The following AUH variants were observed in gnomAD, a reference collection of about 807,000 sequenced individuals.
AUH encodes AU RNA binding methylglutaconyl-CoA hydratase.
AUH carries 29 observed loss-of-function variants against 42.3 expected under a neutral mutation model. The ratio of observed to expected loss-of-function variants is 0.69; its 90% CI spans 0.51 to 0.93. The LOEUF is 0.93. Ranked by LOEUF, AUH falls within the 40% of genes least tolerant of loss-of-function variation. The pLI is 0.00. For synonymous variants in AUH, 174 were observed against 166.4 expected (o/e 1.05, Z -0.35); for missense variants, 452 against 438.1 (o/e 1.03, Z -0.28).
At chr9:91,334,005 T>C (rs1035276947) in intron 3 of AUH, among the ~76,000 whole-genome samples, 7 of 152,208 alleles carry the variant, frequency 4.6e-5, no homozygotes, top group African/African-American at 1.4e-4. Flanking sequence ...AAGAGTTTTA[T>C]GACAGGGTAC....
Position 91,355,813 on chromosome 9 carries a change from T to C in AUH, c.418+70A>G. The C allele has an allele frequency of 7.9e-6, 11 of 1,392,002 alleles. No individual in the cohort carries two copies. The South Asian group carries it at 9.4e-5, about 12-fold the overall frequency. 86.2% of individuals were successfully genotyped at this position (1,392,002 alleles called of 1,614,324 possible). A position where few individuals can be genotyped will look rare whatever the true frequency, so the allele number is the denominator to read the frequency against. On this transcript the variant is annotated intron_variant, in intron 3 of 9. Transcript: ENST00000375731. ...GGGTTCAAACCAAAGAACATTCTAA[T>C]GGAAAACAGATTACTATTGAGGAAA...
chr9:91,246,979 T>C (rs1805300839), intron 6 of AUH, among the ~76,000 whole-genome samples: 1 of 152,178 alleles, frequency 6.6e-6, no homozygotes. Flanking sequence ...TATAAAAAGA[T>C]ACCCAAGGCC....
At chr9:91,266,591 G>A (rs1829991404) in intron 6 of AUH, among the ~76,000 whole-genome samples, 1 of 152,098 alleles carries the variant, frequency 6.6e-6, no homozygotes, top group Non-Finnish European at 1.5e-5. Context: ...ACAATATCTA[G>A]AAACCAGTTG....
At chr9:91,231,822 C>A (rs1034383224) in intron 6 of AUH, among the ~76,000 whole-genome samples, 1 of 152,128 alleles carries the variant, frequency 6.6e-6, no homozygotes, top group Admixed American at 6.5e-5. Flanking sequence ...GGGATTACGA[C>A]ATCAGCAAGT....
chr9:91,275,604 AG>A (rs967117261), intron 6 of AUH, among the ~76,000 whole-genome samples: 1 of 152,228 alleles, frequency 6.6e-6, no homozygotes, highest in African/African-American at 2.4e-5. Context: ...ACACGGCATC[AG>A]GTAAAAGTTT....
At chr9:91,355,162 A>T (rs1013797500) in intron 3 of AUH, among the ~76,000 whole-genome samples, 1 of 152,232 alleles carries the variant, frequency 6.6e-6, no homozygotes, top group Non-Finnish European at 1.5e-5. Context: ...CCTTATCAAA[A>T]GCCAAAATAC....
intron 6 of AUH, among the ~76,000 whole-genome samples, chr9:91,249,208 G>GA (rs1828970960): frequency 6.8e-6 from 1 of 146,704 alleles, no homozygotes; most frequent in Non-Finnish European, 1.5e-5. Flanking sequence ...AAGGTGGGGG[G>GA]ATCACCTGAG....
chr9:91,225,362 T>C (rs1281460510), intron 6 of AUH, among the ~76,000 whole-genome samples: 1 of 152,196 alleles, frequency 6.6e-6, no homozygotes, highest in Non-Finnish European at 1.5e-5. Flanking sequence ...GTTCACCTTT[T>C]CTTAATTCTG....
At chr9:91,269,215 G>A (rs1489654305) in intron 6 of AUH, among the ~76,000 whole-genome samples, 3 of 152,104 alleles carry the variant, frequency 2.0e-5, no homozygotes, top group East Asian at 3.9e-4. Flanking sequence ...TCCTGACCTC[G>A]TGATCCGCCT....
intron 6 of AUH, among the ~76,000 whole-genome samples, chr9:91,260,306 T>C (rs1829642874): frequency 1.3e-5 from 2 of 152,204 alleles, no homozygotes; most frequent in Non-Finnish European, 2.9e-5. Flanking sequence ...TCTAACTGTA[T>C]TGTATACAAA....
At chr9:91,326,012 CACAGAATCGTAACTTTGGA>C (rs1829946654) in intron 3 of AUH, among the ~76,000 whole-genome samples, 2 of 152,134 alleles carry the variant, frequency 1.3e-5, no homozygotes, top group Non-Finnish European at 2.9e-5. Context: ...ATGACTTTAG[CACAGAATCGTAACTTTGGA>C]ACAGAGAAAA....
chr9:91,298,100 G>C, intron 4 of AUH, 24 bp from the exon 5 acceptor site: 1 of 1,545,004 alleles, frequency 6.5e-7, no homozygotes, highest in South Asian at 1.1e-5. Context: ...AAAATTTTAT[G>C]CTTCCTTAAT....
intron 4 of AUH, among the ~76,000 whole-genome samples, chr9:91,311,452 T>C (rs1828695781): frequency 6.6e-6 from 1 of 152,214 alleles, no homozygotes; most frequent in Non-Finnish European, 1.5e-5. Flanking sequence ...AAAAACATGA[T>C]TGCCTCACAC....
At chr9:91,236,790 T>C (rs1828211556) in intron 6 of AUH, among the ~76,000 whole-genome samples, 1 of 152,180 alleles carries the variant, frequency 6.6e-6, no homozygotes, top group South Asian at 2.1e-4. Flanking sequence ...GTTTCTGGAA[T>C]AAATTTTCTG....
At chr9:91,317,287 C>A (rs893954213) in intron 4 of AUH, among the ~76,000 whole-genome samples, 1 of 152,104 alleles carries the variant, frequency 6.6e-6, no homozygotes, top group African/African-American at 2.4e-5. Context: ...CTGAATTACA[C>A]CATTTGTGAG....
At chr9:91,298,313 T>C (rs1366360927) in intron 4 of AUH, among the ~76,000 whole-genome samples, 3 of 152,232 alleles carry the variant, frequency 2.0e-5, no homozygotes, top group African/African-American at 7.2e-5. Context: ...TCTTCCCATA[T>C]TATTGAATTA....
chr9:91,248,200 G>C (rs1828901793), intron 6 of AUH, among the ~76,000 whole-genome samples: 1 of 152,142 alleles, frequency 6.6e-6, no homozygotes, highest in Non-Finnish European at 1.5e-5. Flanking sequence ...TACATATTGT[G>C]AGAACTATGG....
At position 91,361,895 on chromosome 9, in the gene AUH, C is replaced by G. The variant is rs879289087; in HGVS notation, c.-6G>C. The G allele has an allele frequency of 4.8e-6, 7 of 1,456,200 alleles. No homozygotes were observed. The highest frequency in any genetic ancestry group is 2.3e-4 in the Middle Eastern group (1 of 4,270). The allele number at this position is 1,456,200 out of a possible 1,614,324, so 90.2% of individuals were successfully genotyped here. ...GCCGCCACCGCGGCCGCCATGTTGTCTGTTTACGGCGTGGACCTGCGACGG... is the reference window on the plus strand; with the variant it reads ...GCCGCCACCGCGGCCGCCATGTTGTGTGTTTACGGCGTGGACCTGCGACGG... On this transcript the variant is annotated 5_prime_UTR_variant, in exon 1 of 10. Transcript: ENST00000375731.
intron 4 of AUH, among the ~76,000 whole-genome samples, chr9:91,320,289 C>T (rs10991885): frequency 0.072 from 10,925 of 152,150 alleles, 683 homozygotes; most frequent in East Asian, 0.26. Context: ...TAAATACGGC[C>T]TTAGAAAGAC....
Sources: gnomAD v4.1 joint callset for allele counts (sites outside exome capture counted in the v4.1 genomes callset) on GRCh38, gnomAD v4.1.1 for gene constraint, MANE v1.5 for transcripts, NCBI Gene and HGNC (gene_info 2026-07-23, HGNC 2026-07-21) for gene names.